LATS1: variants seen among roughly 807,000 people sequenced by gnomAD.
LATS1 encodes the protein serine/threonine-protein kinase LATS1.
In LATS1, 25 loss-of-function variants were observed where a neutral mutation model predicts 106.6. The observed-to-expected ratio is 0.23, with a 90% confidence interval of 0.17 to 0.33. LATS1 has a LOEUF of 0.33. LATS1 is among the 10% of genes least tolerant of loss of function. LATS1 has a pLI of 1.00. For synonymous variants in LATS1, 465 were observed against 455.6 expected, an observed-to-expected ratio of 1.02 and a Z score of -0.26; for missense variants, 1,040 against 1,382.6, an observed-to-expected ratio of 0.75 and a Z score of 3.93.
rs573009480 is a variant in LATS1, at chr6:149,677,218, G to C, written c.2594-481C>G. On this transcript the variant is annotated intron_variant, in intron 5 of 7. Coordinates refer to ENST00000543571, the MANE Select transcript of LATS1 (RefSeq NM_004690.4). ...ATCAACACAGGGTGATGTAACAAAT[G>C]TGACTGGATAGCTACATAAGACTGA... Among the ~76,000 whole-genome samples the C allele has an allele frequency of 2.4e-4, 36 of 152,336 alleles. 1 individual carries two copies. In the South Asian group the frequency reaches 7.5e-3, roughly 32 times the overall value.
At position 149,660,229 on chromosome 6, in the gene LATS1, G is replaced by A. The variant is rs571493188; in HGVS notation, c.*1500C>T. 1.7e-5 allele frequency: 4 copies of A among 232,632 alleles called. No homozygotes were observed. The highest frequency in any genetic ancestry group is 3.4e-5 in the Non-Finnish European group (4 of 117,758). The allele number at this position is 232,632 out of a possible 1,614,324, so 14.4% of individuals were successfully genotyped here. A position where few individuals can be genotyped will look rare whatever the true frequency, so the allele number is the denominator to read the frequency against. On this transcript the variant is annotated 3_prime_UTR_variant, in exon 8 of 8. Coordinates refer to ENST00000543571, the MANE Select transcript of LATS1 (RefSeq NM_004690.4). ...AAAAGAACCACTAACCCCAAAAGAC[G>A]CACGATAACACAGTAGTGGGTTTTC...
intron 3 of LATS1, among the ~76,000 whole-genome samples, chr6:149,687,847 C>T (rs1009656254): frequency 1.3e-5 from 2 of 151,150 alleles, no homozygotes; most frequent in African/African-American, 2.4e-5. Context: ...GGATTACAGG[C>T]GTGAGCCACC....
chr6:149,680,968 C>T (rs1286862561), intron 4 of LATS1, among the ~76,000 whole-genome samples: 2 of 152,088 alleles, frequency 1.3e-5, no homozygotes, highest in Non-Finnish European at 2.9e-5. Flanking sequence ...TTCTAACCCA[C>T]CAATCCTTTC....
chr6:149,673,359 A>G (rs1252788902), intron 7 of LATS1, among the ~76,000 whole-genome samples: 3 of 151,916 alleles, frequency 2.0e-5, no homozygotes, highest in African/African-American at 7.3e-5. Flanking sequence ...TTGGCTTACC[A>G]AAGTGCTAGG....
intron 4 of LATS1, among the ~76,000 whole-genome samples, chr6:149,682,413 TTC>T (rs1368668001): frequency 1.3e-5 from 2 of 151,482 alleles, no homozygotes; most frequent in African/African-American, 2.4e-5. Context: ...TATTTCTTTT[TTC>T]TTTTTTTTTT....
Position 149,662,221 on chromosome 6 carries a change from T to G in LATS1, c.2901A>C (p.Thr967=). The G allele has an allele frequency of 6.2e-7, 1 of 1,602,934 alleles. No individual in the cohort carries two copies. Among genetic ancestry groups the G allele is most frequent in the Non-Finnish European group, 8.5e-7 (1 of 1,176,384 alleles). Reference sequence around the variant, plus strand: ...TAGCTTGTGGTGGAATGTGAAGAGATGTTTGCCAGTTGATAACCTTTAAAG... The same window carrying G: ...TAGCTTGTGGTGGAATGTGAAGAGAGGTTTGCCAGTTGATAACCTTTAAAG... ...ETQMKVINWQ[T]SLHIPPQAKL... The change falls in exon 8 of 8, where the codon ACA becomes ACC. Residue 967 remains threonine (T), a synonymous_variant. Coordinates refer to ENST00000543571, the MANE Select transcript of LATS1 (RefSeq NM_004690.4).
chr6:149,681,298 A>T (rs1186998193), intron 4 of LATS1, among the ~76,000 whole-genome samples: 2 of 152,226 alleles, frequency 1.3e-5, no homozygotes, highest in Non-Finnish European at 2.9e-5. Flanking sequence ...GTTTAAATAG[A>T]AAAGAAATCC....
rs769042885 is a variant in LATS1 at position 149,676,654 on chromosome 6, G to C, written c.2677C>G (p.Pro893Ala). 3 of 1,614,024 alleles carry C rather than the reference G, an allele frequency of 1.9e-6. No homozygotes were observed. Among genetic ancestry groups the C allele is most frequent in the Non-Finnish European group, 2.5e-6 (3 of 1,179,984 alleles). Residue 893 changes from proline to alanine, a missense_variant, in exon 6 of 8, where the codon CCA (proline) becomes GCA (alanine). Physicochemically the swap from Pro to Ala is conservative, Grantham distance 27 (BLOSUM62 -1). This residue lies in a region of LATS1 where 63 missense variants were observed against 64.3 expected (regional missense o/e 0.98). Transcript: ENST00000543571. Reference protein sequence around the residue: ...SSCRCGDRLKPLERRAARQHQ... With the variant: ...SSCRCGDRLKALERRAARQHQ... ...TGGCGTGCAGCTCTCCGCTCTAATG[G>C]CTTCAGTCTGTCTCCACATCGACAG...
chr6:149,662,205 G>A lies in LATS1; in HGVS notation c.2917C>T (p.Pro973Ser). 1 of 1,611,960 alleles carries A rather than the reference G, an allele frequency of 6.2e-7. No individual in the cohort carries two copies. The highest frequency in any genetic ancestry group is 1.1e-5 in the South Asian group (1 of 90,954). Residue 973 changes from proline to serine, a missense_variant, in exon 8 of 8, where the codon CCA (proline) becomes TCA (serine). This residue lies in a region of LATS1 where 113 missense variants were observed against 146.3 expected (regional missense o/e 0.77). Transcript: ENST00000543571. ...GCTTCAGGACTGAGTTTAGCTTGTGGTGGAATGTGAAGAGATGTTTGCCAG... is the reference window on the plus strand; with the variant it reads ...GCTTCAGGACTGAGTTTAGCTTGTGATGGAATGTGAAGAGATGTTTGCCAG... ...INWQTSLHIP[P>S]QAKLSPEASD...
rs1390615256 is a variant in LATS1, at chr6:149,680,472, T to C, written c.2011-15A>G. 8 of 1,512,690 alleles carry C rather than the reference T, an allele frequency of 5.3e-6. No homozygotes were observed. The highest frequency in any genetic ancestry group is 7.2e-6 in the Non-Finnish European group (8 of 1,113,130). The allele number at this position is 1,512,690 out of a possible 1,614,324, so 93.7% of individuals were successfully genotyped here. A position where few individuals can be genotyped will look rare whatever the true frequency, so the allele number is the denominator to read the frequency against. On this transcript the variant is annotated splice_polypyrimidine_tract_variant and intron_variant, in intron 4 of 7. Coordinates refer to ENST00000543571, the MANE Select transcript of LATS1 (RefSeq NM_004690.4). Reference sequence around the variant, plus strand: ...GATAATCCAACCTAGGCAAATAAACTAGATGTTAAATAAGAATTATCTTCT... The same window carrying C: ...GATAATCCAACCTAGGCAAATAAACCAGATGTTAAATAAGAATTATCTTCT...
At chr6:149,708,275 C>CA (rs1317565368) in intron 1 of LATS1, among the ~76,000 whole-genome samples, 1 of 152,016 alleles carries the variant, frequency 6.6e-6, no homozygotes, top group Non-Finnish European at 1.5e-5. Context: ...ATTAGCCGAG[C>CA]GTGGTGGCAG....
At chr6:149,664,498 C>T (rs1286659038) in intron 7 of LATS1, among the ~76,000 whole-genome samples, 1 of 151,844 alleles carries the variant, frequency 6.6e-6, no homozygotes, top group Non-Finnish European at 1.5e-5. Flanking sequence ...TGAAGAAAAC[C>T]AAAGTTAAAG....
intron 7 of LATS1, among the ~76,000 whole-genome samples, chr6:149,675,086 G>A (rs558011211): frequency 5.9e-5 from 9 of 151,640 alleles, no homozygotes; most frequent in South Asian, 2.1e-4. Context: ...GTATGATGGC[G>A]CATGCCTGTA....
intron 2 of LATS1, among the ~76,000 whole-genome samples, chr6:149,698,527 T>C (rs1408077995): frequency 6.7e-6 from 1 of 149,484 alleles, no homozygotes; most frequent in African/African-American, 2.5e-5. Context: ...ATTACAAGAG[T>C]GAACCATCAC....
rs755511136 is a variant in LATS1 at position 149,701,991 on chromosome 6, C to A, written c.136G>T (p.Asp46Tyr). The A allele has an allele frequency of 1.2e-6, 2 of 1,614,178 alleles. No homozygotes were observed. Among genetic ancestry groups the A allele is most frequent in the East Asian group, 4.5e-5 (2 of 44,880 alleles). The stretch of plus-strand genomic sequence containing the variant: ...ATGTTATGCTCAGCCTTAGCAGCAT[C>A]AGATGGTTTAGATAAATTCCTAAGG... ...ESLRNLSKPS[D>Y]AAKAEHNMSK... Residue 46 changes from aspartate (D) to tyrosine (Y), a missense_variant, in exon 2 of 8, where the codon GAT becomes TAT. Transcript: ENST00000543571.
intron 1 of LATS1, among the ~76,000 whole-genome samples, chr6:149,715,743 G>C (rs1220848562): frequency 2.0e-5 from 3 of 152,210 alleles, no homozygotes; most frequent in East Asian, 1.9e-4. Context: ...ATGCCTTCTA[G>C]AAAGTTATAC....
At chr6:149,705,142 A>G (rs1783691908) in intron 1 of LATS1, among the ~76,000 whole-genome samples, 1 of 152,070 alleles carries the variant, frequency 6.6e-6, no homozygotes, top group African/African-American at 2.4e-5. Context: ...TATTCTATCT[A>G]TAACATAATA....
intron 2 of LATS1, among the ~76,000 whole-genome samples, chr6:149,700,494 T>G (rs1348398886): frequency 6.6e-6 from 1 of 151,706 alleles, no homozygotes; most frequent in Non-Finnish European, 1.5e-5. Flanking sequence ...AAAATAAAAC[T>G]TTTTTTTCCT....
intron 5 of LATS1, 51 bp downstream of exon 5, chr6:149,679,824 T>C (rs775973286): frequency 7.7e-7 from 1 of 1,297,908 alleles, no homozygotes; most frequent in Non-Finnish European, 1.1e-6. Context: ...ACTACATCAA[T>C]AAATTACATT....
Sources: gnomAD v4.1 joint callset for allele counts (sites outside exome capture counted in the v4.1 genomes callset) on GRCh38, gnomAD v4.1.1 for gene constraint, gnomAD v4.1.1 regional missense constraint, MANE v1.5 for transcripts, NCBI Gene and HGNC (gene_info 2026-07-23, HGNC 2026-07-21) for gene names.